TCEA3: variants seen among roughly 807,000 people sequenced by gnomAD.
TCEA3 encodes the protein transcription elongation factor A3.
Under a neutral mutation model 44.0 loss-of-function variants are expected in TCEA3, and 36 were observed. The ratio of observed to expected loss-of-function variants is 0.82; its 90% CI spans 0.63 to 1.08. The LOEUF is 1.08. TCEA3 is among the 50% of genes least tolerant of loss of function. The pLI is 0.00. For missense variants in TCEA3, 392 were observed against 441.2 expected (o/e 0.89, Z 1.00); for synonymous variants, 162 against 159.7 (o/e 1.01, Z -0.11).
intron 4 of TCEA3, among the ~76,000 whole-genome samples, chr1:23,413,321 TA>T (rs1465290305): frequency 4.6e-5 from 7 of 151,842 alleles, no homozygotes; most frequent in South Asian, 4.2e-4. Context: ...TTACTTTTAA[TA>T]GAGATAGGGT....
At chr1:23,418,601 C>A (rs539835775) in intron 2 of TCEA3, among the ~76,000 whole-genome samples, 1 of 152,150 alleles carries the variant, frequency 6.6e-6, no homozygotes, top group South Asian at 2.1e-4. Flanking sequence ...TATGAGCCAC[C>A]GTGGCCAGCT....
chr1:23,387,869 G>A (rs1456904257), intron 8 of TCEA3, among the ~76,000 whole-genome samples: 1 of 152,118 alleles, frequency 6.6e-6, no homozygotes, highest in Non-Finnish European at 1.5e-5. Context: ...TCTGCTTAGT[G>A]GGAACCTTGG....
chr1:23,393,976 C>A lies in TCEA3; in HGVS notation c.722G>T (p.Arg241Leu). 6.2e-7 allele frequency: 1 copy of A among 1,613,984 alleles called. No individual in the cohort carries two copies. The highest frequency in any genetic ancestry group is 8.5e-7 in the Non-Finnish European group (1 of 1,179,884). The change falls in exon 8 of 11, where the codon CGC (arginine) becomes CTC (leucine). Residue 241 changes from arginine (R) to leucine (L), a missense_variant. Transcript: ENST00000450454. ...DMKYRNRVRS[R>L]ISNLKDPRNP... ...CCTGGGGTCCTTGAGGTTGCTTATG[C>A]GGCTGCGCACGCGGTTCCGGTACTT...
At chr1:23,411,629 A>C (rs907185112) in intron 4 of TCEA3, 3 of 157,474 alleles carry the variant, frequency 1.9e-5, no homozygotes, top group African/African-American at 7.2e-5. Flanking sequence ...AAAGAAAAGA[A>C]CAGGTTTTCC....
chr1:23,385,102 C>T (rs1638793989), intron 9 of TCEA3, among the ~76,000 whole-genome samples: 2 of 152,152 alleles, frequency 1.3e-5, no homozygotes, highest in South Asian at 4.1e-4. Flanking sequence ...ATCCTCTTAG[C>T]CTCATCATTC....
chr1:23,387,134 T>C, intron 9 of TCEA3, 139 bp downstream of exon 9: 1 of 1,145,906 alleles, frequency 8.7e-7, no homozygotes, highest in Non-Finnish European at 1.2e-6. Context: ...ATTACAGACA[T>C]GAGCCACCGC....
chr1:23,385,195 C>T (rs991529245), intron 9 of TCEA3, among the ~76,000 whole-genome samples: 1 of 152,150 alleles, frequency 6.6e-6, no homozygotes, highest in African/African-American at 2.4e-5. Flanking sequence ...TAAGGCTGTC[C>T]TTGGCTGGCC....
chr1:23,418,146 G>A, intron 2 of TCEA3, 137 bp from the exon 3 acceptor site: 1 of 813,474 alleles, frequency 1.2e-6, no homozygotes, highest in Non-Finnish European at 2.0e-6. Context: ...CCTGACTCCT[G>A]GCTGAGGTCA....
At chr1:23,408,992 T>C (rs1639633644) in intron 4 of TCEA3, among the ~76,000 whole-genome samples, 1 of 152,192 alleles carries the variant, frequency 6.6e-6, no homozygotes, top group Non-Finnish European at 1.5e-5. Context: ...ACATGGGTTG[T>C]GTTGCTCATT....
intron 8 of TCEA3, among the ~76,000 whole-genome samples, chr1:23,390,299 T>A (rs1638982401): frequency 6.6e-6 from 1 of 152,108 alleles, no homozygotes; most frequent in South Asian, 2.1e-4. Flanking sequence ...CGAAACTTCG[T>A]CTCTACTAAA....
At position 23,408,533 on chromosome 1, in the gene TCEA3, C is replaced by T. The variant is rs115608306; in HGVS notation, c.443+131G>A. The T allele has an allele frequency of 6.5e-3, 5,777 of 894,968 alleles. 37 individuals are homozygous for T. Among genetic ancestry groups the T allele is most frequent in the Admixed American group, 0.016 (571 of 36,828 alleles). 55.4% of individuals were successfully genotyped at this position (894,968 alleles called of 1,614,324 possible). A position where few individuals can be genotyped will look rare whatever the true frequency, so the allele number is the denominator to read the frequency against. ...GAAAGACTGTGTGGGTCTTAGAATA[C>T]GGGGGCAACATAATGTAGGAGGTTT... On this transcript the variant is annotated intron_variant, in intron 5 of 10. Transcript: ENST00000450454.
intron 4 of TCEA3, among the ~76,000 whole-genome samples, chr1:23,414,084 CTTTAT>C (rs1199844475): frequency 1.3e-5 from 2 of 149,850 alleles, no homozygotes; most frequent in African/African-American, 2.5e-5. Context: ...TTTTATTTTA[CTTTAT>C]TTTATTTTAT....
chr1:23,398,465 T>C (rs997534698), intron 5 of TCEA3, among the ~76,000 whole-genome samples: 3 of 152,238 alleles, frequency 2.0e-5, no homozygotes, highest in Admixed American at 6.5e-5. Context: ...CAAAGGATAA[T>C]GCAGATAAGT....
intron 8 of TCEA3, among the ~76,000 whole-genome samples, chr1:23,391,392 G>A (rs954556539): frequency 6.6e-6 from 1 of 150,616 alleles, no homozygotes; most frequent in Non-Finnish European, 1.5e-5. Context: ...GCCACCTCAC[G>A]TGGCCTGTTG....
At chr1:23,421,882 C>T (rs533332706) in intron 1 of TCEA3, among the ~76,000 whole-genome samples, 10 of 152,360 alleles carry the variant, frequency 6.6e-5, no homozygotes, top group African/African-American at 2.4e-4. Flanking sequence ...TTCCAGCTCT[C>T]CACTGGGTGT....
At position 23,388,835 on chromosome 1, in the gene TCEA3, C is replaced by T. The variant is rs1229601448; in HGVS notation, c.820-1416G>A. 3.3e-5 allele frequency among the ~76,000 whole-genome samples: 5 copies of T among 152,272 alleles called. No homozygotes were observed. The East Asian group carries it at 9.7e-4, about 29-fold the overall frequency. On this transcript the variant is annotated intron_variant, in intron 8 of 10. Transcript: ENST00000450454. The stretch of plus-strand genomic sequence containing the variant: ...AGCTGGGACTACACCCAGCATGCAC[C>T]ACCAAACCTGGTTAATTATTTTTTG...
At chr1:23,408,429 A>C (rs913668865) in intron 5 of TCEA3, 5 of 451,566 alleles carry the variant, frequency 1.1e-5, no homozygotes, top group Non-Finnish European at 2.0e-5. Flanking sequence ...GAATAAATGA[A>C]TGAATACATG....
chr1:23,383,788 G>A, intron 10 of TCEA3: 3 of 985,904 alleles, frequency 3.0e-6, no homozygotes, highest in Non-Finnish European at 3.6e-6. Flanking sequence ...GTCTTTGTTT[G>A]GCTCCCATGC....
chr1:23,398,027 G>A, intron 5 of TCEA3, 72 bp from the exon 6 acceptor site: 1 of 1,545,290 alleles, frequency 6.5e-7, no homozygotes, highest in East Asian at 2.3e-5. Flanking sequence ...CATTCTAGAT[G>A]TCTTGATGGA....
Sources: allele counts gnomAD v4.1 joint callset (sites outside exome capture counted in the v4.1 genomes callset), GRCh38; gene constraint gnomAD v4.1.1; transcripts MANE v1.5; gene names NCBI Gene and HGNC (gene_info 2026-07-23, HGNC 2026-07-21).